SLC2A13: variants seen among roughly 807,000 people sequenced by gnomAD.
SLC2A13 encodes the protein solute carrier family 2 member 13.
Under a neutral mutation model 64.4 loss-of-function variants are expected in SLC2A13, and 32 were observed. The observed-to-expected ratio is 0.50, with a 90% CI of 0.37 to 0.67. SLC2A13 has a LOEUF of 0.67. Among genes scored for constraint, SLC2A13 ranks in the 30% least tolerant of loss-of-function variants. SLC2A13 has a pLI of 0.00. For missense variants in SLC2A13, 743 were observed against 829.2 expected (o/e 0.90, Z 1.28); for synonymous variants, 338 against 327.1 (o/e 1.03, Z -0.36).
intron 3 of SLC2A13, among the ~76,000 whole-genome samples, chr12:39,969,217 G>A (rs1392614367): frequency 6.6e-6 from 1 of 152,100 alleles, no homozygotes; most frequent in African/African-American, 2.4e-5. Context: ...CATTTGGGTT[G>A]GTTCCAAGTC....
At chr12:39,867,243 GAT>G (rs1479308831) in intron 5 of SLC2A13, among the ~76,000 whole-genome samples, 1 of 152,054 alleles carries the variant, frequency 6.6e-6, no homozygotes, top group East Asian at 1.9e-4. Flanking sequence ...AGGAAACTTT[GAT>G]ATATTAAGAT....
chr12:40,078,386 TTGTC>T (rs1247249960), intron 1 of SLC2A13, among the ~76,000 whole-genome samples: 2 of 152,186 alleles, frequency 1.3e-5, no homozygotes, highest in African/African-American at 2.4e-5. Flanking sequence ...ATTGAAAGCC[TTGTC>T]TGTGTCTATT....
chr12:39,830,388 G>T lies in SLC2A13; in HGVS notation c.1320-160C>A, dbSNP rs116361619. Reference sequence around the variant, plus strand: ...AGGAAAGTGACATGCGCTGAGCCAGGTGAGAGCTGGCTGGTCTCTTCGATT... The same window carrying T: ...AGGAAAGTGACATGCGCTGAGCCAGTTGAGAGCTGGCTGGTCTCTTCGATT... On this transcript the variant is annotated intron_variant, in intron 6 of 9. Coordinates refer to ENST00000280871, the MANE Select transcript of SLC2A13 (RefSeq NM_052885.4). The T allele has an allele frequency of 6.0e-4, 830 of 1,388,022 alleles. 3 individuals are homozygous for T. The African/African-American group carries it at 0.011, about 18-fold the overall frequency. The allele number at this position is 1,388,022 out of a possible 1,614,324, so 86.0% of individuals were successfully genotyped here.
chr12:40,067,345 T>G (rs1174932921), intron 1 of SLC2A13, among the ~76,000 whole-genome samples: 2 of 151,968 alleles, frequency 1.3e-5, no homozygotes, highest in African/African-American at 4.8e-5. Context: ...AGGGCTACAG[T>G]CACGTGCCAC....
At chr12:39,864,640 T>C in intron 6 of SLC2A13, 122 bp downstream of exon 6, 1 of 1,338,580 alleles carries the variant, frequency 7.5e-7, no homozygotes, top group Admixed American at 2.3e-5. Context: ...TTTTCTTCCC[T>C]TCTTACATAA....
intron 3 of SLC2A13, among the ~76,000 whole-genome samples, chr12:39,966,471 G>A (rs1454882241): frequency 1.3e-5 from 2 of 152,126 alleles, no homozygotes; most frequent in African/African-American, 4.8e-5. Context: ...AATTTCAGTA[G>A]AGAATGATTA....
intron 3 of SLC2A13, among the ~76,000 whole-genome samples, chr12:39,991,203 C>T (rs570431269): frequency 1.3e-5 from 2 of 152,322 alleles, no homozygotes; most frequent in African/African-American, 4.8e-5. Flanking sequence ...TCATAGATAG[C>T]AGAGTTCTCA....
intron 7 of SLC2A13, among the ~76,000 whole-genome samples, chr12:39,777,759 A>G (rs1429207551): frequency 6.6e-6 from 1 of 152,216 alleles, no homozygotes; most frequent in Non-Finnish European, 1.5e-5. Context: ...TGAGTGGCAG[A>G]ATGACATGGA....
chr12:39,764,989 T>G (rs1304834779), intron 7 of SLC2A13, 131 bp from the exon 8 acceptor site: 3 of 1,066,364 alleles, frequency 2.8e-6, no homozygotes, highest in Non-Finnish European at 3.9e-6. Flanking sequence ...TCTTAAAAAA[T>G]AAGAACTAAA....
chr12:40,098,411 T>C (rs1339311335), intron 1 of SLC2A13, among the ~76,000 whole-genome samples: 1 of 152,230 alleles, frequency 6.6e-6, no homozygotes, highest in African/African-American at 2.4e-5. Flanking sequence ...TCTAGAGATG[T>C]GTTGTGCAAC....
chr12:40,097,114 T>C (rs1217608458), intron 1 of SLC2A13, among the ~76,000 whole-genome samples: 1 of 152,184 alleles, frequency 6.6e-6, no homozygotes, highest in African/African-American at 2.4e-5. Context: ...AATGCAAACA[T>C]ATACACCTAT....
chr12:39,789,602 ACAGT>A (rs1941307199), intron 7 of SLC2A13, among the ~76,000 whole-genome samples: 1 of 152,204 alleles, frequency 6.6e-6, no homozygotes, highest in African/African-American at 2.4e-5. Flanking sequence ...GTATGTGCAC[ACAGT>A]CAATTTTATA....
At chr12:39,907,410 A>G (rs1049552929) in intron 4 of SLC2A13, among the ~76,000 whole-genome samples, 1 of 152,146 alleles carries the variant, frequency 6.6e-6, no homozygotes, top group Non-Finnish European at 1.5e-5. Context: ...CATAATTTAT[A>G]AGACTCCAAA....
chr12:39,970,906 C>T (rs540515370), intron 3 of SLC2A13, among the ~76,000 whole-genome samples: 96 of 152,236 alleles, frequency 6.3e-4, no homozygotes, highest in African/African-American at 2.2e-3. Context: ...TTTTTTCCCC[C>T]TTGTGAACAA....
intron 4 of SLC2A13, among the ~76,000 whole-genome samples, chr12:39,896,695 C>A (rs1944928278): frequency 6.6e-6 from 1 of 151,808 alleles, no homozygotes; most frequent in African/African-American, 2.4e-5. Context: ...TCGTTATCTG[C>A]AATTTAAGAC....
intron 3 of SLC2A13, among the ~76,000 whole-genome samples, chr12:40,011,282 C>T (rs1024416738): frequency 6.6e-6 from 1 of 152,156 alleles, no homozygotes; most frequent in Non-Finnish European, 1.5e-5. Context: ...TAGATGTCAA[C>T]ATCACATTCC....
chr12:39,979,118 T>C (rs1946834410), intron 3 of SLC2A13, among the ~76,000 whole-genome samples: 2 of 151,672 alleles, frequency 1.3e-5, no homozygotes, highest in Admixed American at 1.3e-4. Context: ...GGGTCCTGTC[T>C]GTTAGAAGGG....
At chr12:39,929,514 G>C (rs1945785639) in intron 4 of SLC2A13, among the ~76,000 whole-genome samples, 1 of 151,696 alleles carries the variant, frequency 6.6e-6, no homozygotes, top group Non-Finnish European at 1.5e-5. Context: ...TCGAGCCATT[G>C]CACTCCAGCC....
At chr12:39,988,546 AAAC>A (rs1389904262) in intron 3 of SLC2A13, among the ~76,000 whole-genome samples, 33 of 151,250 alleles carry the variant, frequency 2.2e-4, no homozygotes, top group Non-Finnish European at 4.1e-4. Flanking sequence ...AGAAAAAAGA[AAAC>A]AAAGGAAAGA....
Sources: allele counts gnomAD v4.1 joint callset (sites outside exome capture counted in the v4.1 genomes callset), GRCh38; gene constraint gnomAD v4.1.1; transcripts MANE v1.5; gene names NCBI Gene and HGNC (gene_info 2026-07-23, HGNC 2026-07-21).